Variants in NALF1 observed in about 807,000 individuals in gnomAD.
NALF1 encodes family with sequence similarity 155 member A.
Under a neutral mutation model 48.4 loss-of-function variants are expected in NALF1, and 3 were observed. That is an observed-to-expected ratio of 0.06 (90% CI 0.03 to 0.16). The LOEUF is 0.16. Ranked by LOEUF, NALF1 falls within the 10% of genes least tolerant of loss-of-function variation. NALF1 has a pLI of 1.00. For synonymous variants in NALF1, 262 were observed against 245.7 expected, an observed-to-expected ratio of 1.07 and a Z score of -0.62; for missense variants, 526 against 571.5, an observed-to-expected ratio of 0.92 and a Z score of 0.81.
At chr13:107,290,576 T>C (rs1881600714) in intron 1 of NALF1, among the ~76,000 whole-genome samples, 1 of 152,174 alleles carries the variant, frequency 6.6e-6, no homozygotes. Context: ...CCTTCTGCCA[T>C]GATCGTGAGG....
intron 1 of NALF1, among the ~76,000 whole-genome samples, chr13:107,446,535 T>C (rs1884654442): frequency 6.6e-6 from 1 of 152,174 alleles, no homozygotes; most frequent in Non-Finnish European, 1.5e-5. Flanking sequence ...CCATTATTAT[T>C]CCACATTATT....
chr13:107,708,760 G>A (rs536142297), intron 1 of NALF1, among the ~76,000 whole-genome samples: 114 of 151,594 alleles, frequency 7.5e-4, no homozygotes, highest in Non-Finnish European at 1.3e-3. Context: ...CAGGGTACAT[G>A]TGCAGGATGT....
At chr13:107,573,420 C>T (rs3886168) in intron 1 of NALF1, among the ~76,000 whole-genome samples, 15,534 of 151,920 alleles carry the variant, frequency 0.1, 1,042 homozygotes, top group Admixed American at 0.18. Flanking sequence ...TAATTGATGA[C>T]TGGGGCAAAT....
At chr13:107,222,795 G>A (rs1043723333) in intron 1 of NALF1, among the ~76,000 whole-genome samples, 4 of 152,286 alleles carry the variant, frequency 2.6e-5, no homozygotes, top group African/African-American at 7.2e-5. Context: ...TGAACTCTCC[G>A]CAGGAGGGGC....
chr13:107,440,250 C>A (rs373236623), intron 1 of NALF1, among the ~76,000 whole-genome samples: 23 of 152,224 alleles, frequency 1.5e-4, no homozygotes, highest in African/African-American at 5.5e-4. Flanking sequence ...CTGTACTTAT[C>A]TGAGTTGAGG....
At chr13:107,724,484 G>C (rs957081671) in intron 1 of NALF1, among the ~76,000 whole-genome samples, 1 of 152,116 alleles carries the variant, frequency 6.6e-6, no homozygotes, top group Non-Finnish European at 1.5e-5. Flanking sequence ...CAGTTTGTCT[G>C]CTTCAAGATT....
intron 1 of NALF1, among the ~76,000 whole-genome samples, chr13:107,266,342 A>C (rs1240999660): frequency 1.3e-5 from 2 of 152,208 alleles, no homozygotes; most frequent in Non-Finnish European, 2.9e-5. Context: ...TTTATTCTAC[A>C]AAAGGATATA....
chr13:107,301,277 C>T (rs1881832208), intron 1 of NALF1, among the ~76,000 whole-genome samples: 1 of 152,024 alleles, frequency 6.6e-6, no homozygotes, highest in African/African-American at 2.4e-5. Context: ...TTCATTAATT[C>T]ATAGACCAAA....
intron 1 of NALF1, among the ~76,000 whole-genome samples, chr13:107,613,806 G>A (rs1403493277): frequency 6.6e-6 from 1 of 152,170 alleles, no homozygotes; most frequent in Non-Finnish European, 1.5e-5. Context: ...ATAGAATGTA[G>A]AAATAAAAAT....
At chr13:107,728,466 C>T (rs1474370434) in intron 1 of NALF1, among the ~76,000 whole-genome samples, 2 of 151,196 alleles carry the variant, frequency 1.3e-5, no homozygotes, top group Non-Finnish European at 2.9e-5. Flanking sequence ...CTCACTCATA[C>T]GTGGGAGTTG....
chr13:107,817,511 T>G (rs1300677030), intron 1 of NALF1, among the ~76,000 whole-genome samples: 1 of 152,200 alleles, frequency 6.6e-6, no homozygotes, highest in Non-Finnish European at 1.5e-5. Context: ...GTGCCGGGAT[T>G]TTAAGCCCTG....
intron 1 of NALF1, among the ~76,000 whole-genome samples, chr13:107,536,588 G>T (rs1876823830): frequency 6.6e-6 from 1 of 152,162 alleles, no homozygotes; most frequent in African/African-American, 2.4e-5. Context: ...AACAGGAGCT[G>T]GAGAGGATGT....
intron 1 of NALF1, among the ~76,000 whole-genome samples, chr13:107,472,991 C>A (rs2139054162): frequency 6.6e-6 from 1 of 152,286 alleles, no homozygotes; most frequent in Non-Finnish European, 1.5e-5. Flanking sequence ...TTTGTCTTTT[C>A]TATTCCCAAG....
At chr13:107,494,722 C>A (rs538664362) in intron 1 of NALF1, among the ~76,000 whole-genome samples, 1 of 150,590 alleles carries the variant, frequency 6.6e-6, no homozygotes, top group Non-Finnish European at 1.5e-5. Context: ...ACAGTGTTTC[C>A]TAAAAGTTCA....
Position 107,625,194 on chromosome 13 carries a change from C to A in NALF1, c.915+240488G>T, listed in dbSNP as rs555142531. On this transcript the variant is annotated intron_variant, in intron 1 of 2. Coordinates refer to ENST00000375915, the MANE Select transcript of NALF1 (RefSeq NM_001080396.3). ...TTTGATCTTAGCCTATCTCTACTTG[C>A]AGCTTTAGGTAGACACAGCACTAGA... is the stretch of plus-strand genomic sequence containing the variant. Among the ~76,000 whole-genome samples the A allele has an allele frequency of 7.9e-5, 12 of 152,182 alleles. No homozygotes were observed. In the South Asian group the frequency reaches 2.5e-3, roughly 32 times the overall value.
chr13:107,393,084 A>T (rs925273545), intron 1 of NALF1, among the ~76,000 whole-genome samples: 3 of 152,134 alleles, frequency 2.0e-5, no homozygotes, highest in Non-Finnish European at 2.9e-5. Flanking sequence ...GGAGGAAAGG[A>T]AGCAAGAAAT....
chr13:107,647,716 A>G (rs1880349526), intron 1 of NALF1, among the ~76,000 whole-genome samples: 2 of 152,100 alleles, frequency 1.3e-5, no homozygotes, highest in African/African-American at 4.8e-5. Context: ...AGAAAAATGT[A>G]AAAAGGAATT....
At chr13:107,746,345 T>C (rs976681291) in intron 1 of NALF1, among the ~76,000 whole-genome samples, 2 of 152,188 alleles carry the variant, frequency 1.3e-5, no homozygotes, top group East Asian at 3.9e-4. Flanking sequence ...AATAAATTAA[T>C]ACACAGGGTT....
chr13:107,257,295 A>G (rs191171866), intron 1 of NALF1, among the ~76,000 whole-genome samples: 45 of 152,250 alleles, frequency 3.0e-4, no homozygotes, highest in African/African-American at 1.0e-3. Flanking sequence ...ATGTATTCAT[A>G]CCACAGGATT....
Sources: gnomAD v4.1 joint callset for allele counts (sites outside exome capture counted in the v4.1 genomes callset) on GRCh38, gnomAD v4.1.1 for gene constraint, MANE v1.5 for transcripts, NCBI Gene and HGNC (gene_info 2026-07-23, HGNC 2026-07-21) for gene names.